The following TNRC18 variants were observed in gnomAD, a reference collection of about 807,000 sequenced individuals.
TNRC18 encodes trinucleotide repeat containing 18.
TNRC18 carries 69 observed loss-of-function variants against 226.7 expected under a neutral mutation model. That is an observed-to-expected ratio of 0.30 (90% CI 0.25 to 0.37). The LOEUF (loss-of-function observed/expected upper bound fraction) is 0.37. Ranked by LOEUF, TNRC18 falls within the 10% of genes least tolerant of loss-of-function variation. The pLI is 1.00. For missense variants in TNRC18, 4,754 were observed against 4,256.6 expected (o/e 1.12, Z -3.25); for synonymous variants, 2,449 against 1,927.6 (o/e 1.27, Z -7.09).
chr7:5,323,478 C>G (rs1788585200), intron 21 of TNRC18, among the ~76,000 whole-genome samples: 1 of 151,778 alleles, frequency 6.6e-6, no homozygotes, highest in Admixed American at 6.6e-5. Context: ...CCCCAGGCTA[C>G]AACCCACTCT....
Position 5,309,108 on chromosome 7 carries a change from G to C in TNRC18, c.8625+24C>G, listed in dbSNP as rs192072300. Reference sequence around the variant, plus strand: ...TGCCCTACACCGCCTAGGACTGGGGGCCGCAGCCGGGCCGCAGGCTCACCT... The same window carrying C: ...TGCCCTACACCGCCTAGGACTGGGGCCCGCAGCCGGGCCGCAGGCTCACCT... On this transcript the variant is annotated intron_variant, in intron 28 of 29. Coordinates refer to ENST00000430969, the MANE Select transcript of TNRC18 (RefSeq NM_001080495.3). The surrounding 1 kb of genome is among the most constrained non-coding windows in gnomAD (Gnocchi z 5.7). 6.3e-7 allele frequency: 1 copy of C among 1,576,992 alleles called. No individual in the cohort carries two copies.
At chr7:5,320,757 C>A (rs1209115055) in intron 22 of TNRC18, 150 bp from the exon 23 acceptor site, 1 of 697,498 alleles carries the variant, frequency 1.4e-6, no homozygotes, top group East Asian at 2.7e-5. Flanking sequence ...GAATTCTCCC[C>A]CTTTTCTGGG....
chr7:5,333,476 C>G (rs573917557), intron 18 of TNRC18, among the ~76,000 whole-genome samples: 7 of 152,208 alleles, frequency 4.6e-5, no homozygotes, highest in Non-Finnish European at 8.8e-5. Context: ...GTTCTTGGTG[C>G]TGCCTGTCGG....
Position 5,377,641 on chromosome 7 carries a change from G to C in TNRC18, c.2256-65C>G. ...GCCCAGGGGACGAGAGGGAGAAGCG[G>C]GGTTGCCCCAAGGAACTGTTTGCCA... On this transcript the variant is annotated intron_variant, in intron 6 of 29. Transcript: ENST00000430969. The surrounding 1 kb of genome is among the most constrained non-coding windows in gnomAD (Gnocchi z 5.8). The C allele has an allele frequency of 6.7e-7, 1 of 1,492,686 alleles. No homozygotes were observed. The highest frequency in any genetic ancestry group is 9.1e-7 in the Non-Finnish European group (1 of 1,103,310). The allele number at this position is 1,492,686 out of a possible 1,614,324, so 92.5% of individuals were successfully genotyped here. A position where few individuals can be genotyped will look rare whatever the true frequency, so the allele number is the denominator to read the frequency against.
intron 18 of TNRC18, among the ~76,000 whole-genome samples, chr7:5,339,243 GTTT>G (rs1265123900): frequency 5.0e-5 from 7 of 141,000 alleles, no homozygotes; most frequent in African/African-American, 1.8e-4. Context: ...TTTTTTTTGT[GTTT>G]TTTTGTTTTT....
chr7:5,374,590 CATG>C, intron 9 of TNRC18, 106 bp from the exon 10 acceptor site: 2 of 1,199,410 alleles, frequency 1.7e-6, no homozygotes, highest in Non-Finnish European at 2.2e-6. Context: ...AGGAGAACCT[CATG>C]CAGGGCCTGG....
chr7:5,371,358 GGGAT>G lies in TNRC18; in HGVS notation c.3232_3235del (p.Ile1078ArgfsTer80). ...CAGGGCTTGGAACGGGTACCTGGGCGGGATATCTGCCAAGGACACAGGGGTCAGC... is the reference window on the plus strand; with the variant it reads ...CAGGGCTTGGAACGGGTACCTGGGCGATCTGCCAAGGACACAGGGGTCAGC... On this transcript the variant is annotated frameshift_variant and splice_region_variant, in exon 11 of 30. Coordinates refer to ENST00000430969, the MANE Select transcript of TNRC18 (RefSeq NM_001080495.3). LOFTEE classifies it high-confidence loss of function. 1 of 1,508,020 alleles carries G rather than the reference GGGAT, an allele frequency of 6.6e-7. No individual in the cohort carries two copies. Among genetic ancestry groups the G allele is most frequent in the Non-Finnish European group, 8.8e-7 (1 of 1,134,710 alleles). 93.4% of individuals were successfully genotyped at this position (1,508,020 alleles called of 1,614,324 possible).
chr7:5,358,211 G>A (rs895069313), intron 15 of TNRC18, among the ~76,000 whole-genome samples: 1 of 152,210 alleles, frequency 6.6e-6, no homozygotes, highest in African/African-American at 2.4e-5. Flanking sequence ...GCCTGAAGCA[G>A]AAAGAACGAT....
chr7:5,394,420 G>T lies in TNRC18; in HGVS notation c.343+20C>A. 2 of 1,515,120 alleles carry T rather than the reference G, an allele frequency of 1.3e-6. No individual in the cohort carries two copies. Among genetic ancestry groups the T allele is most frequent in the Non-Finnish European group, 1.8e-6 (2 of 1,132,138 alleles). 93.9% of individuals were successfully genotyped at this position (1,515,120 alleles called of 1,614,324 possible). A position where few individuals can be genotyped will look rare whatever the true frequency, so the allele number is the denominator to read the frequency against. On this transcript the variant is annotated intron_variant, in intron 3 of 29. Coordinates refer to ENST00000430969, the MANE Select transcript of TNRC18 (RefSeq NM_001080495.3). This position sits in a 1 kb window ranked among gnomAD's most constrained non-coding sequence, Gnocchi z 4.5. Reference sequence around the variant, plus strand: ...CGTCAGCCCAGCAGCCCTCAGCCCCGACCCCGGCATGTTCCTTACCTTCAT... The same window carrying T: ...CGTCAGCCCAGCAGCCCTCAGCCCCTACCCCGGCATGTTCCTTACCTTCAT...
rs780961920 is a variant in TNRC18 at position 5,359,477 on chromosome 7, G to A, written c.4754C>T (p.Ala1585Val). Reference sequence around the variant, plus strand: ...CCTGGCTTTCCCCATTCCGATGAGGGCATCATGTTCCTCCTCAGACCCCTT... The same window carrying A: ...CCTGGCTTTCCCCATTCCGATGAGGACATCATGTTCCTCCTCAGACCCCTT... ...RHKGSEEEHD[A>V]LIGMGKARGR... The change falls in exon 15 of 30, where the codon GCC becomes GTC. Residue 1585 changes from alanine (A) to valine (V), a missense_variant. Ala to Val is a moderately conservative substitution (Grantham distance 64). Transcript: ENST00000430969. 1.2e-6 allele frequency: 2 copies of A among 1,613,984 alleles called. No homozygotes were observed. Among genetic ancestry groups the A allele is most frequent in the Non-Finnish European group, 1.7e-6 (2 of 1,179,886 alleles).
chr7:5,388,171 G>A lies in TNRC18; in HGVS notation c.1653C>T (p.Tyr551=), dbSNP rs1350661747. The A allele has an allele frequency of 2.5e-6, 4 of 1,579,554 alleles. No homozygotes were observed. In the South Asian group the frequency reaches 3.5e-5, roughly 14 times the overall value. ...GGGGCAGCACAGCCCCAGGGTCCAG[G>A]TAGGCCTTCTTGGAGGAGGAGGCAG... The part of the protein sequence containing the change: ...VVAASSSKKA[Y]LDPGAVLPRS... Residue 551 remains tyrosine (Y), a synonymous_variant, in exon 5 of 30, where the codon TAC becomes TAT. Transcript: ENST00000430969.
At position 5,421,137 on chromosome 7, in the gene TNRC18, C is replaced by G; in HGVS notation, c.110G>C (p.Arg37Pro). ...SHRVGAATAG[R>P]LPASGLPGPL... is the part of the protein sequence containing the mutation. ...GCCGGGCAAGCCCGAGGCGGGCAAG[C>G]GTCCGGCAGTGGCCGCGCCCACGCG... is the stretch of plus-strand genomic sequence containing the variant. The change falls in exon 2 of 30, where the codon CGC becomes CCC. Residue 37 changes from arginine to proline, a missense_variant. Coordinates refer to ENST00000430969, the MANE Select transcript of TNRC18 (RefSeq NM_001080495.3). 6.9e-7 allele frequency: 1 copy of G among 1,439,282 alleles called. No homozygotes were observed. Among genetic ancestry groups the G allele is most frequent in the Non-Finnish European group, 9.2e-7 (1 of 1,091,798 alleles). 89.2% of individuals were successfully genotyped at this position (1,439,282 alleles called of 1,614,324 possible).
chr7:5,395,527 C>A (rs1780614462), intron 2 of TNRC18, among the ~76,000 whole-genome samples: 1 of 152,264 alleles, frequency 6.6e-6, no homozygotes. Flanking sequence ...ACGCCATCCC[C>A]TCTAAGGGAA....
chr7:5,323,272 G>A (rs1171154286), intron 21 of TNRC18, among the ~76,000 whole-genome samples: 2 of 151,946 alleles, frequency 1.3e-5, no homozygotes, highest in African/African-American at 4.8e-5. Context: ...GTGACTTCCC[G>A]ATTGAGTCAT....
At chr7:5,362,595 G>A (rs2128162219) in intron 12 of TNRC18, 55 bp downstream of exon 12, 1 of 1,463,364 alleles carries the variant, frequency 6.8e-7, no homozygotes, top group Middle Eastern at 2.5e-4. Context: ...CCACAGAGGG[G>A]CCTCCCACCC....
Position 5,307,952 on chromosome 7 carries a change from TCACC to T in TNRC18, c.*150_*153del, listed in dbSNP as rs1562467331. ...TGCACACACGTGCATGCACACACAC[TCACC>T]CGGGCATCCACGTGCACACCTGGCC... On this transcript the variant is annotated 3_prime_UTR_variant, in exon 30 of 30. Transcript: ENST00000430969. 1.5e-6 allele frequency: 1 copy of T among 667,320 alleles called. No homozygotes were observed. Among genetic ancestry groups the T allele is most frequent in the African/African-American group, 1.9e-5 (1 of 53,838 alleles). 41.3% of individuals were successfully genotyped at this position (667,320 alleles called of 1,614,324 possible).
Position 5,313,097 on chromosome 7 carries a change from C to A in TNRC18, c.7794G>T (p.Gly2598=), listed in dbSNP as rs766248277. 7.3e-7 allele frequency: 1 copy of A among 1,378,196 alleles called. No individual in the cohort carries two copies. The highest frequency in any genetic ancestry group is 1.2e-5 in the South Asian group (1 of 80,912). 85.4% of individuals were successfully genotyped at this position (1,378,196 alleles called of 1,614,324 possible). A position where few individuals can be genotyped will look rare whatever the true frequency, so the allele number is the denominator to read the frequency against. The change falls in exon 27 of 30, where the codon GGG becomes GGT. Residue 2598 remains glycine, a synonymous_variant. Transcript: ENST00000430969. ...DKNGDGGCGT[G]GRNCSAASSR... ...AGCTGGCAGCGCTGCAGTTACGGCC[C>A]CCGGTGCCGCAGCCCCCGTCCCCGT...
At chr7:5,376,584 C>A (rs945954560) in intron 8 of TNRC18, among the ~76,000 whole-genome samples, 2 of 152,106 alleles carry the variant, frequency 1.3e-5, no homozygotes, top group Non-Finnish European at 2.9e-5. Flanking sequence ...GAGGCGGTGG[C>A]GCCAGGTAAG....
At chr7:5,379,202 A>AAAAAAAAC (rs1185321080) in intron 5 of TNRC18, among the ~76,000 whole-genome samples, 2 of 151,776 alleles carry the variant, frequency 1.3e-5, no homozygotes, top group East Asian at 1.9e-4. Context: ...CTCCGTCAAA[A>AAAAAAAAC]AAAAAAACAA....
Sources: gnomAD v4.1 joint callset for allele counts (sites outside exome capture counted in the v4.1 genomes callset) on GRCh38, gnomAD v4.1.1 for gene constraint, Gnocchi (gnomAD v3.1) non-coding constraint, MANE v1.5 for transcripts, NCBI Gene and HGNC (gene_info 2026-07-23, HGNC 2026-07-21) for gene names.